The following DNASE1 variants were observed in gnomAD, a reference collection of about 807,000 sequenced individuals.
DNASE1 encodes deoxyribonuclease 1.
Under a neutral mutation model 33.9 loss-of-function variants are expected in DNASE1, and 40 were observed. The observed-to-expected ratio is 1.18, with a 90% CI of 0.92 to 1.54. The LOEUF (loss-of-function observed/expected upper bound fraction) is 1.54, where lower values mean the gene tolerates loss of function less well. DNASE1 is among the 40% of genes most tolerant of loss of function. The pLI is 0.00. For missense variants in DNASE1, 518 were observed against 372.6 expected, an observed-to-expected ratio of 1.39 and a Z score of -3.21; for synonymous variants, 216 against 160.0, an observed-to-expected ratio of 1.35 and a Z score of -2.64.
At chr16:3,637,689 C>T (rs568174679) in intron 1 of DNASE1, among the ~76,000 whole-genome samples, 7 of 152,196 alleles carry the variant, frequency 4.6e-5, no homozygotes, top group African/African-American at 1.4e-4. Context: ...ACATAGTCCA[C>T]ATGGCTGCTT....
At position 3,655,810 on chromosome 16, in the gene DNASE1, C is replaced by T. The variant is rs8176935; in HGVS notation, c.148-39C>T. On this transcript the variant is annotated intron_variant, in intron 2 of 8. Coordinates refer to ENST00000246949, the MANE Select transcript of DNASE1 (RefSeq NM_005223.4). ...GTGGCGCTGTAGGGTCCCTGGGTGG[C>T]ACCAGCCCTGCTCAGCACCACTGTG... 2.0e-4 allele frequency: 329 copies of T among 1,609,618 alleles called. 3 individuals are homozygous for T. In the African/African-American group the frequency reaches 3.9e-3, roughly 19 times the overall value.
At chr16:3,617,831 C>T (rs1023145926) in intron 1 of DNASE1, among the ~76,000 whole-genome samples, 1 of 152,116 alleles carries the variant, frequency 6.6e-6, no homozygotes. Flanking sequence ...AAACCCCCTA[C>T]CCTTTCTGCC....
At chr16:3,660,697 C>T (rs1208722048), downstream of DNASE1, 6 of 152,130 alleles carry the variant, frequency 3.9e-5, no homozygotes, top group African/African-American at 1.4e-4. Flanking sequence ...TCCCTCGCCT[C>T]CAGTATAATT....
At position 3,637,201 on chromosome 16, in the gene DNASE1, C is replaced by T. The variant is rs139918136; in HGVS notation, c.-1358-3514C>T. Among the ~76,000 whole-genome samples, 141 of 152,258 alleles carry T rather than the reference C, an allele frequency of 9.3e-4. 1 individual carries two copies. The highest frequency in any genetic ancestry group is 2.9e-3 in the African/African-American group (120 of 41,562). On this transcript the variant is annotated intron_variant and NMD_transcript_variant, in intron 1 of 11. Transcript: ENST00000570769. Reference sequence around the variant, plus strand: ...GAGTTTTTTAGTTTATCTGGCTAGGCGTTAGGCTCTGTCTGCTGTTTGCTG... The same window carrying T: ...GAGTTTTTTAGTTTATCTGGCTAGGTGTTAGGCTCTGTCTGCTGTTTGCTG...
chr16:3,656,438 G>A (rs1249111841), intron 4 of DNASE1, among the ~76,000 whole-genome samples, 200 bp from the exon 5 acceptor site: 1 of 109,448 alleles, frequency 9.1e-6, no homozygotes, highest in East Asian at 2.8e-4. Context: ...CCCTCCTGTC[G>A]CCTGGGTCCC....
chr16:3,662,261 C>G (rs533388792), downstream of DNASE1: 363 of 1,098,236 alleles, frequency 3.3e-4, 6 homozygotes, highest in East Asian at 9.3e-3. Flanking sequence ...TCCCCTGGAC[C>G]AGCGCTGCTC....
rs79808032 is a variant in DNASE1, at chr16:3,636,833, A to G, written c.-1358-3882A>G. ...AGACTCTGTCTGGGGAAAAAAAGAA[A>G]AAAAAACAGGCCAGGCACAGTGGCT... On this transcript the variant is annotated intron_variant and NMD_transcript_variant, in intron 1 of 11. Coordinates refer to the DNASE1 transcript ENST00000570769. Among the ~76,000 whole-genome samples the G allele has an allele frequency of 1.5e-3, 228 of 152,086 alleles. No individual in the cohort carries two copies. In the East Asian group the frequency reaches 0.021, roughly 14 times the overall value.
downstream of DNASE1, chr16:3,659,654 A>G (rs903355433): frequency 3.3e-5 from 5 of 152,188 alleles, no homozygotes; most frequent in African/African-American, 1.2e-4. Flanking sequence ...CAACCTCTCC[A>G]GAGGACAACT....
At chr16:3,649,824 T>G (rs1395696113), upstream of DNASE1, among the ~76,000 whole-genome samples, 6 of 151,988 alleles carry the variant, frequency 3.9e-5, no homozygotes, top group Non-Finnish European at 7.4e-5. Flanking sequence ...GCGAGGAGCT[T>G]CTTAAGTTAA....
At chr16:3,653,622 C>T (rs2042414236), upstream of DNASE1, 1 of 151,890 alleles carries the variant, frequency 6.6e-6, no homozygotes, top group Admixed American at 6.6e-5. Flanking sequence ...GTGTGACCAA[C>T]ATGGTGAAAC....
chr16:3,647,798 G>A (rs2042217687), intron 1 of DNASE1, among the ~76,000 whole-genome samples: 1 of 152,030 alleles, frequency 6.6e-6, no homozygotes, highest in Non-Finnish European at 1.5e-5. Context: ...GAACCCAGGA[G>A]TTGGAAAGCA....
At chr16:3,655,569 A>T (rs1443113153) in intron 2 of DNASE1, 49 bp downstream of exon 2, 60 of 1,612,662 alleles carry the variant, frequency 3.7e-5, no homozygotes, top group Non-Finnish European at 5.1e-5. Context: ...TCTGGAGTCT[A>T]GGGCTGGTGG....
chr16:3,624,018 T>C (rs904111449), intron 1 of DNASE1, among the ~76,000 whole-genome samples: 2 of 151,864 alleles, frequency 1.3e-5, no homozygotes, highest in African/African-American at 4.8e-5. Context: ...GTGCGGTGGC[T>C]CACTACCTGT....
exon 10 of DNASE1, chr16:3,664,244 C>T (rs556749922): frequency 3.9e-6 from 6 of 1,523,842 alleles, no homozygotes; most frequent in African/African-American, 1.4e-5. Context: ...TTGCAGCCCC[C>T]GGAGCCCGCC....
downstream of DNASE1, chr16:3,659,938 T>C (rs372176609): frequency 2.6e-5 from 4 of 152,196 alleles, no homozygotes; most frequent in South Asian, 4.2e-4. Flanking sequence ...TTAGTAGAGA[T>C]GAGGTCTCGA....
downstream of DNASE1, chr16:3,659,031 C>A (rs917303998): frequency 2.4e-5 from 16 of 673,572 alleles, no homozygotes; most frequent in African/African-American, 2.2e-4. Context: ...ATTATATACC[C>A]AGAAAACCCA....
chr16:3,664,043 A>G (rs769450122), exon 10 of DNASE1: 2 of 484,846 alleles, frequency 4.1e-6, no homozygotes, highest in Non-Finnish European at 7.2e-6. Context: ...AGCCTGGGCG[A>G]GAGAGCAAGA....
chr16:3,661,625 C>G (rs2043079892), downstream of DNASE1: 3 of 221,616 alleles, frequency 1.4e-5, no homozygotes, highest in East Asian at 2.8e-4. Context: ...ATGGGCAACC[C>G]TCATGCCAAG....
intron 5 of DNASE1, 22 bp from the exon 6 acceptor site, chr16:3,656,977 C>T: frequency 1.2e-6 from 2 of 1,611,096 alleles, no homozygotes; most frequent in Non-Finnish European, 1.7e-6. Flanking sequence ...GTGTGCCTCA[C>T]ACGACGTGGC....
Sources: allele counts gnomAD v4.1 joint callset (sites outside exome capture counted in the v4.1 genomes callset), GRCh38; gene constraint gnomAD v4.1.1; transcripts MANE v1.5; gene names NCBI Gene and HGNC (gene_info 2026-07-23, HGNC 2026-07-21).